The following AKT3 variants were observed in gnomAD, a reference collection of about 807,000 sequenced individuals.
The protein encoded by AKT3 is RAC-gamma serine/threonine-protein kinase.
In AKT3, 15 loss-of-function variants were observed where a neutral mutation model predicts 65.3. That is an observed-to-expected ratio of 0.23 (90% confidence interval 0.15 to 0.35). The LOEUF is 0.35. Ranked by LOEUF, AKT3 falls within the 10% of genes least tolerant of loss-of-function variation. AKT3 has a pLI of 1.00. For missense variants in AKT3, 243 were observed against 576.5 expected (o/e 0.42, Z 5.92); for synonymous variants, 206 against 183.8 (o/e 1.12, Z -0.98).
At chr1:243,674,407 C>A (rs932796784) in intron 3 of AKT3, among the ~76,000 whole-genome samples, 1 of 152,050 alleles carries the variant, frequency 6.6e-6, no homozygotes, top group Non-Finnish European at 1.5e-5. Flanking sequence ...CTTGACATAA[C>A]GCAATATGAA....
chr1:243,527,102 G>A (rs894509685), intron 12 of AKT3, among the ~76,000 whole-genome samples: 2 of 152,142 alleles, frequency 1.3e-5, no homozygotes, highest in African/African-American at 4.8e-5. Flanking sequence ...AAACACAGAT[G>A]TTTAATGAAT....
chr1:243,837,402 A>C (rs1053623060), intron 2 of AKT3, among the ~76,000 whole-genome samples: 1 of 152,314 alleles, frequency 6.6e-6, no homozygotes, highest in Middle Eastern at 3.4e-3. Context: ...TGAAGAAAAA[A>C]TACAATCCAC....
intron 3 of AKT3, among the ~76,000 whole-genome samples, chr1:243,677,200 C>G (rs746434583): frequency 1.3e-5 from 2 of 152,172 alleles, no homozygotes; most frequent in Non-Finnish European, 2.9e-5. Context: ...GACACATACT[C>G]CCTTCCTTTT....
At chr1:243,513,125 G>A (rs941808315) in intron 12 of AKT3, among the ~76,000 whole-genome samples, 7 of 152,192 alleles carry the variant, frequency 4.6e-5, no homozygotes, top group Non-Finnish European at 2.9e-5. Flanking sequence ...CAGGCATGGC[G>A]TTAGGGAAGG....
intron 13 of AKT3, among the ~76,000 whole-genome samples, chr1:243,493,055 C>A (rs1054580440): frequency 6.6e-6 from 1 of 152,166 alleles, no homozygotes; most frequent in Non-Finnish European, 1.5e-5. Context: ...CACTGAAGCA[C>A]TAGCCCAGCT....
chr1:243,776,354 C>A (rs1164386779), intron 2 of AKT3, among the ~76,000 whole-genome samples: 1 of 152,162 alleles, frequency 6.6e-6, no homozygotes, highest in Non-Finnish European at 1.5e-5. Context: ...GAAACGCTAA[C>A]CCCCTAGTGT....
intron 3 of AKT3, among the ~76,000 whole-genome samples, chr1:243,684,051 C>A (rs1351269961): frequency 6.6e-6 from 1 of 152,116 alleles, no homozygotes; most frequent in African/African-American, 2.4e-5. Context: ...GTTCCCCTTG[C>A]CCTCACCCAA....
chr1:243,552,673 A>C, intron 11 of AKT3, 56 bp downstream of exon 11: 9 of 1,472,210 alleles, frequency 6.1e-6, no homozygotes, highest in Non-Finnish European at 8.5e-6. Context: ...TAATTTCCAT[A>C]TCTCAATTTT....
intron 2 of AKT3, among the ~76,000 whole-genome samples, chr1:243,720,814 C>T (rs1244744326): frequency 1.3e-5 from 2 of 151,984 alleles, no homozygotes; most frequent in South Asian, 2.1e-4. Flanking sequence ...CCAACTATTC[C>T]GAAAAGCTCA....
chr1:243,536,472 A>C (rs537915986), intron 12 of AKT3, among the ~76,000 whole-genome samples: 2 of 152,180 alleles, frequency 1.3e-5, no homozygotes, highest in African/African-American at 4.8e-5. Context: ...TTTCTCATTT[A>C]TGCTACACAT....
intron 2 of AKT3, among the ~76,000 whole-genome samples, chr1:243,834,831 G>A (rs1694788195): frequency 6.6e-6 from 1 of 151,562 alleles, no homozygotes; most frequent in Non-Finnish European, 1.5e-5. Flanking sequence ...ACTGAAAATA[G>A]GTATATAAGT....
Position 243,846,085 on chromosome 1 carries a change from G to C in AKT3, c.-112-2803C>G, listed in dbSNP as rs184536943. On this transcript the variant is annotated intron_variant, in intron 1 of 13. Transcript: ENST00000673466. Reference sequence around the variant, plus strand: ...TATATAGATGGCATCATAAGTGAAAGACATGATTATACATACATAGTTCAT... The same window carrying C: ...TATATAGATGGCATCATAAGTGAAACACATGATTATACATACATAGTTCAT... Among the ~76,000 whole-genome samples, 538 of 152,228 alleles carry C rather than the reference G, an allele frequency of 3.5e-3. 2 individuals are homozygous for C. Among genetic ancestry groups the C allele is most frequent in the African/African-American group, 0.013 (520 of 41,528 alleles).
At chr1:243,813,328 T>G (rs1321029502) in intron 2 of AKT3, among the ~76,000 whole-genome samples, 1 of 152,080 alleles carries the variant, frequency 6.6e-6, no homozygotes, top group Non-Finnish European at 1.5e-5. Flanking sequence ...ATGTGGGATA[T>G]TCACAAAACA....
chr1:243,588,460 A>G (rs1427494746), intron 8 of AKT3, among the ~76,000 whole-genome samples: 1 of 152,228 alleles, frequency 6.6e-6, no homozygotes, highest in East Asian at 1.9e-4. Context: ...TATCAATCAT[A>G]TTTGTAAATA....
chr1:243,666,951 G>C (rs891090620), intron 3 of AKT3, among the ~76,000 whole-genome samples: 1 of 152,174 alleles, frequency 6.6e-6, no homozygotes, highest in Non-Finnish European at 1.5e-5. Context: ...ACACTGTAGA[G>C]TATCTACTGT....
At chr1:243,563,930 T>C (rs1673974902) in intron 9 of AKT3, 82 bp from the exon 10 acceptor site, 17 of 1,371,236 alleles carry the variant, frequency 1.2e-5, no homozygotes, top group Non-Finnish European at 1.7e-5. Context: ...TACTGAATGC[T>C]GAGTAAGGTA....
At chr1:243,851,077 A>G (rs1459481894), upstream of AKT3, 1 of 152,410 alleles carries the variant, frequency 6.6e-6, no homozygotes. Flanking sequence ...GGCGGTGCCC[A>G]ATGAGGTAGG....
Position 243,504,998 on chromosome 1 carries a change from G to T in AKT3, c.*251C>A, listed in dbSNP as rs1049479371. 3 of 471,194 alleles carry T rather than the reference G, an allele frequency of 6.4e-6. No individual in the cohort carries two copies. The highest frequency in any genetic ancestry group is 7.6e-5 in the Admixed American group (2 of 26,420). The allele number at this position is 471,194 out of a possible 1,614,324, so 29.2% of individuals were successfully genotyped here. A position where few individuals can be genotyped will look rare whatever the true frequency, so the allele number is the denominator to read the frequency against. On this transcript the variant is annotated 3_prime_UTR_variant, in exon 14 of 14. Coordinates refer to ENST00000673466, the MANE Select transcript of AKT3 (RefSeq NM_005465.7). Reference sequence around the variant, plus strand: ...ATTACTTCTTAAAGTTGCTATAATAGTAAGACAGTAGCAGCAACAGCATGA... The same window carrying T: ...ATTACTTCTTAAAGTTGCTATAATATTAAGACAGTAGCAGCAACAGCATGA...
At chr1:243,575,805 G>A (rs1674897535) in intron 8 of AKT3, among the ~76,000 whole-genome samples, 1 of 152,084 alleles carries the variant, frequency 6.6e-6, no homozygotes, top group Non-Finnish European at 1.5e-5. Context: ...TTCCAACACA[G>A]CCTAGGACAG....
Sources: gnomAD v4.1 joint callset for allele counts (sites outside exome capture counted in the v4.1 genomes callset) on GRCh38, gnomAD v4.1.1 for gene constraint, MANE v1.5 for transcripts, NCBI Gene and HGNC (gene_info 2026-07-23, HGNC 2026-07-21) for gene names.